The following TMX4 variants were observed in gnomAD, a reference collection of about 807,000 sequenced individuals.
TMX4 encodes thioredoxin related transmembrane protein 4, also known as thioredoxin-related transmembrane protein 4.
In TMX4, 23 loss-of-function variants were observed where a neutral mutation model predicts 33.3. The observed-to-expected ratio is 0.69, with a 90% CI of 0.50 to 0.98. The LOEUF (loss-of-function observed/expected upper bound fraction) is 0.98. Among genes scored for constraint, TMX4 ranks in the 50% least tolerant of loss-of-function variants. The probability of loss-of-function intolerance (pLI) is 0.00; values close to 1 mark genes in which losing one functional copy is unlikely to be tolerated. For synonymous variants in TMX4, 164 were observed against 161.5 expected, an observed-to-expected ratio of 1.02 and a Z score of -0.12; for missense variants, 399 against 448.9, an observed-to-expected ratio of 0.89 and a Z score of 1.01.
rs569827522 is a variant in TMX4 at position 7,990,902 on chromosome 20, T to C, written c.514-3513A>G. 2.6e-5 allele frequency among the ~76,000 whole-genome samples: 4 copies of C among 152,338 alleles called. No individual in the cohort carries two copies. In the South Asian group the frequency reaches 8.3e-4, roughly 32 times the overall value. ...CAAAACATAACCTTGCAGCCTCTTG[T>C]AGGATCTATGAAAGGTACCTTACAG... On this transcript the variant is annotated intron_variant, in intron 5 of 7. Transcript: ENST00000246024.
chr20:8,010,967 G>A (rs545851901), intron 1 of TMX4, among the ~76,000 whole-genome samples: 1 of 152,122 alleles, frequency 6.6e-6, no homozygotes, highest in African/African-American at 2.4e-5. Flanking sequence ...AGAAGCTGAG[G>A]CTACAATTGT....
At chr20:8,011,764 A>G (rs1412174795) in intron 1 of TMX4, among the ~76,000 whole-genome samples, 2 of 152,104 alleles carry the variant, frequency 1.3e-5, no homozygotes, top group Admixed American at 6.6e-5. Context: ...CACCATCTCT[A>G]GAAAAGACTA....
At chr20:8,014,357 C>A (rs2050764169) in intron 1 of TMX4, among the ~76,000 whole-genome samples, 1 of 152,152 alleles carries the variant, frequency 6.6e-6, no homozygotes, top group Non-Finnish European at 1.5e-5. Context: ...CTTAAGACTT[C>A]AGAAAATATA....
At chr20:7,995,471 T>A (rs2050672228) in intron 5 of TMX4, among the ~76,000 whole-genome samples, 1 of 152,204 alleles carries the variant, frequency 6.6e-6, no homozygotes. Flanking sequence ...AGCAGGGGTC[T>A]ACTACTTAAA....
intron 1 of TMX4, among the ~76,000 whole-genome samples, chr20:8,017,577 AC>A (rs1447742267): frequency 6.6e-6 from 1 of 152,246 alleles, no homozygotes; most frequent in Non-Finnish European, 1.5e-5. Flanking sequence ...TCCAAAAGGA[AC>A]CATAGAGGAG....
At chr20:8,001,974 T>G (rs567584987) in intron 2 of TMX4, among the ~76,000 whole-genome samples, 1 of 152,288 alleles carries the variant, frequency 6.6e-6, no homozygotes, top group African/African-American at 2.4e-5. Context: ...GGGTACATAG[T>G]GAAGGACTCA....
At chr20:8,011,409 T>C (rs947752051) in intron 1 of TMX4, among the ~76,000 whole-genome samples, 1 of 151,912 alleles carries the variant, frequency 6.6e-6, no homozygotes, top group Non-Finnish European at 1.5e-5. Context: ...AAGTTGCCTG[T>C]CAGGTCATCA....
intron 1 of TMX4, among the ~76,000 whole-genome samples, chr20:8,016,660 A>G (rs1222053265): frequency 1.3e-5 from 2 of 152,198 alleles, no homozygotes; most frequent in African/African-American, 4.8e-5. Flanking sequence ...ATCTATACCA[A>G]TATAACCAGA....
At chr20:7,991,960 C>T (rs1328497900) in intron 5 of TMX4, among the ~76,000 whole-genome samples, 2 of 152,160 alleles carry the variant, frequency 1.3e-5, no homozygotes, top group Non-Finnish European at 2.9e-5. Flanking sequence ...AGACAGAAGA[C>T]TGGACAGTCT....
intron 5 of TMX4, 114 bp downstream of exon 5, chr20:7,995,910 GAA>G: frequency 1.1e-6 from 1 of 916,974 alleles, no homozygotes; most frequent in Non-Finnish European, 1.6e-6. Context: ...CATGGCTTAA[GAA>G]AAAAAGTGAA....
rs1213310198 is a variant in TMX4, at chr20:7,977,642, G to A, written c.*4609C>T. 1 of 152,116 alleles carries A rather than the reference G, an allele frequency of 6.6e-6. No homozygotes were observed. Among genetic ancestry groups the A allele is most frequent in the Non-Finnish European group, 1.5e-5 (1 of 68,020 alleles). 9.4% of individuals were successfully genotyped at this position (152,116 alleles called of 1,614,324 possible). On this transcript the variant is annotated 3_prime_UTR_variant, in exon 8 of 8. Transcript: ENST00000246024. Reference sequence around the variant, plus strand: ...TGCAGATGCTATTTGAGGAAGCAAAGAATACAGAAAGAAAAATAATTAGGT... The same window carrying A: ...TGCAGATGCTATTTGAGGAAGCAAAAAATACAGAAAGAAAAATAATTAGGT...
chr20:7,990,034 C>A (rs2050647461), intron 5 of TMX4, among the ~76,000 whole-genome samples: 6 of 152,150 alleles, frequency 3.9e-5, no homozygotes, highest in Admixed American at 3.9e-4. Flanking sequence ...CGGTGGCTCA[C>A]ACCTGTAATC....
At chr20:7,986,541 T>A (rs931470569) in intron 6 of TMX4, among the ~76,000 whole-genome samples, 1 of 152,210 alleles carries the variant, frequency 6.6e-6, no homozygotes, top group Non-Finnish European at 1.5e-5. Context: ...ACTATGTGTT[T>A]AGTATACAAT....
chr20:8,008,376 GTATATATATTTCAGA>G (rs1464216553), intron 2 of TMX4, among the ~76,000 whole-genome samples: 4 of 151,868 alleles, frequency 2.6e-5, no homozygotes, highest in African/African-American at 9.7e-5. Flanking sequence ...AATATTTCAA[GTATATATATTTCAGA>G]TATACATAAA....
rs562683187 is a variant in TMX4 at position 7,980,282 on chromosome 20, A to C, written c.*1969T>G. On this transcript the variant is annotated 3_prime_UTR_variant, in exon 8 of 8. Coordinates refer to ENST00000246024, the MANE Select transcript of TMX4 (RefSeq NM_021156.4). The stretch of plus-strand genomic sequence containing the variant: ...GAGGGAGGAATTATATAGAAAAGCC[A>C]AACTATGAAACCATTCTTATTCCAT... 1 of 152,354 alleles carries C rather than the reference A, an allele frequency of 6.6e-6. No homozygotes were observed. The highest frequency in any genetic ancestry group is 1.5e-5 in the Non-Finnish European group (1 of 68,040). The allele number at this position is 152,354 out of a possible 1,614,324, so 9.4% of individuals were successfully genotyped here.
At chr20:8,019,107 T>C in intron 1 of TMX4, 1 of 484,208 alleles carries the variant, frequency 2.1e-6, no homozygotes, top group Non-Finnish European at 3.9e-6. Context: ...AGCTGCCCAC[T>C]CCACCCCGAA....
At chr20:8,003,653 A>G (rs950345489) in intron 2 of TMX4, among the ~76,000 whole-genome samples, 1 of 152,168 alleles carries the variant, frequency 6.6e-6, no homozygotes, top group Non-Finnish European at 1.5e-5. Context: ...GTGAGTACCA[A>G]GAAAAAGTAT....
At chr20:7,985,068 G>A (rs1322395190) in intron 6 of TMX4, among the ~76,000 whole-genome samples, 1 of 151,998 alleles carries the variant, frequency 6.6e-6, no homozygotes, top group African/African-American at 2.4e-5. Context: ...TCTGGAATAG[G>A]TGATTTAAAT....
chr20:8,003,419 A>AT (rs1349350654), intron 2 of TMX4, among the ~76,000 whole-genome samples: 1 of 152,170 alleles, frequency 6.6e-6, no homozygotes, highest in African/African-American at 2.4e-5. Context: ...ACTTAAAGTG[A>AT]TTTTTTAACT....
Sources: allele counts gnomAD v4.1 joint callset (sites outside exome capture counted in the v4.1 genomes callset), GRCh38; gene constraint gnomAD v4.1.1; transcripts MANE v1.5; gene names NCBI Gene and HGNC (gene_info 2026-07-23, HGNC 2026-07-21).